Variants in TYR observed in about 807,000 individuals in gnomAD.
TYR encodes the protein LB24-AB.
A neutral mutation model predicts 51.5 loss-of-function variants in TYR; 58 were observed. That is an observed-to-expected ratio of 1.13 (90% CI 0.91 to 1.40). The LOEUF (loss-of-function observed/expected upper bound fraction) is 1.40, where lower values mean the gene tolerates loss of function less well. TYR is among the 40% of genes most tolerant of loss of function. The probability of loss-of-function intolerance (pLI) is 0.00; values close to 1 mark genes in which losing one functional copy is unlikely to be tolerated. For synonymous variants in TYR, 263 were observed against 235.2 expected, an observed-to-expected ratio of 1.12 and a Z score of -1.08; for missense variants, 732 against 647.4, an observed-to-expected ratio of 1.13 and a Z score of -1.42.
chr11:89,224,469 C>T (rs1283285993), intron 2 of TYR, among the ~76,000 whole-genome samples: 5 of 152,116 alleles, frequency 3.3e-5, no homozygotes, highest in Admixed American at 3.3e-4. Flanking sequence ...TTTTTTACAG[C>T]AGTATCTTCA....
chr11:89,235,360 G>A (rs963832737), intron 3 of TYR, among the ~76,000 whole-genome samples: 1 of 152,112 alleles, frequency 6.6e-6, no homozygotes, highest in Admixed American at 6.6e-5. Flanking sequence ...ATGTCAAAGA[G>A]TTATTTGTAC....
At position 89,191,433 on chromosome 11, in the gene TYR, T is replaced by C; in HGVS notation, c.1036+15T>C. Reference sequence around the variant, plus strand: ...TACACTGGAAGGTAATCTCTTTCTTTTCACTTTTAATTTTTTTTCTGAATT... The same window carrying C: ...TACACTGGAAGGTAATCTCTTTCTTCTCACTTTTAATTTTTTTTCTGAATT... On this transcript the variant is annotated intron_variant, in intron 2 of 4. Coordinates refer to ENST00000263321, the MANE Select transcript of TYR (RefSeq NM_000372.5). 6.2e-7 allele frequency: 1 copy of C among 1,610,064 alleles called. No homozygotes were observed. Among genetic ancestry groups the C allele is most frequent in the Non-Finnish European group, 8.5e-7 (1 of 1,176,684 alleles).
At chr11:89,290,589 C>T (rs1162966173) in intron 4 of TYR, among the ~76,000 whole-genome samples, 6 of 151,970 alleles carry the variant, frequency 3.9e-5, no homozygotes, top group Admixed American at 6.6e-5. Flanking sequence ...AAAACAGTAA[C>T]TTTCAAGGTC....
intron 2 of TYR, among the ~76,000 whole-genome samples, chr11:89,208,047 T>C (rs1287840226): frequency 6.6e-6 from 1 of 152,156 alleles, no homozygotes; most frequent in Non-Finnish European, 1.5e-5. Flanking sequence ...GGCGGGGGGA[T>C]CACGAAGTCA....
intron 2 of TYR, among the ~76,000 whole-genome samples, chr11:89,196,858 G>A (rs538368282): frequency 1.6e-4 from 24 of 152,166 alleles, no homozygotes; most frequent in South Asian, 2.1e-4. Flanking sequence ...AATTCCATTC[G>A]ACTTAAATAG....
intron 3 of TYR, among the ~76,000 whole-genome samples, chr11:89,240,169 G>C (rs1300705377): frequency 1.3e-5 from 2 of 152,050 alleles, no homozygotes; most frequent in African/African-American, 2.4e-5. Context: ...GGGTTGATCT[G>C]TGAAGCAAAC....
chr11:89,279,556 T>A (rs1944696315), intron 3 of TYR, among the ~76,000 whole-genome samples: 1 of 151,780 alleles, frequency 6.6e-6, no homozygotes, highest in African/African-American at 2.4e-5. Flanking sequence ...CCTGGGTCTT[T>A]GGCTCTTCTT....
At chr11:89,221,113 C>T (rs1322970070) in intron 2 of TYR, among the ~76,000 whole-genome samples, 1 of 152,192 alleles carries the variant, frequency 6.6e-6, no homozygotes, top group African/African-American at 2.4e-5. Flanking sequence ...GCATTAGAAT[C>T]ACCTGTAGAA....
intron 2 of TYR, among the ~76,000 whole-genome samples, chr11:89,201,665 C>T (rs571262324): frequency 1.3e-5 from 2 of 152,252 alleles, no homozygotes; most frequent in African/African-American, 4.8e-5. Context: ...AAGATTTGCC[C>T]ACCATTGCTT....
intron 3 of TYR, among the ~76,000 whole-genome samples, chr11:89,255,428 A>C (rs1269278929): frequency 6.6e-6 from 1 of 151,708 alleles, no homozygotes; most frequent in East Asian, 1.9e-4. Context: ...AAAATAAAAT[A>C]AAATGAATGT....
intron 3 of TYR, 75 bp downstream of exon 3, chr11:89,228,045 T>G: frequency 1.3e-6 from 2 of 1,553,942 alleles, no homozygotes; most frequent in South Asian, 2.2e-5. Context: ...GTGATTTAAG[T>G]TATTAAATAA....
intron 2 of TYR, among the ~76,000 whole-genome samples, chr11:89,217,915 T>C (rs1000344306): frequency 1.3e-4 from 20 of 152,226 alleles, no homozygotes; most frequent in Non-Finnish European, 1.5e-5. Context: ...TTCCCCATGG[T>C]ATTTCCCAAA....
intron 3 of TYR, among the ~76,000 whole-genome samples, chr11:89,233,653 T>C (rs1074303): frequency 0.38 from 54,123 of 141,056 alleles, 15,798 homozygotes; most frequent in African/African-American, 0.64. Context: ...ATGAAAACAG[T>C]ATTCATCTCC....
chr11:89,220,441 C>T (rs966740425), intron 2 of TYR, among the ~76,000 whole-genome samples: 1 of 152,148 alleles, frequency 6.6e-6, no homozygotes, highest in Non-Finnish European at 1.5e-5. Flanking sequence ...CCAGGTCCCA[C>T]CTCCAAAAGT....
chr11:89,190,953 C>T (rs1943435217), intron 1 of TYR, among the ~76,000 whole-genome samples: 2 of 152,124 alleles, frequency 1.3e-5, no homozygotes, highest in Admixed American at 1.3e-4. Flanking sequence ...TTTTACCAAA[C>T]AGCCAAGATG....
chr11:89,231,317 T>TCCC (rs1555091514), intron 3 of TYR, among the ~76,000 whole-genome samples: 2 of 145,758 alleles, frequency 1.4e-5, no homozygotes, highest in African/African-American at 2.7e-5. Flanking sequence ...CCTGGGCATG[T>TCCC]ATCGAAAGGG....
intron 2 of TYR, among the ~76,000 whole-genome samples, chr11:89,213,683 T>C (rs1235112841): frequency 2.0e-5 from 3 of 152,170 alleles, no homozygotes; most frequent in South Asian, 2.1e-4. Flanking sequence ...GCTACCTGAC[T>C]TCAAGCTATA....
intron 1 of TYR, among the ~76,000 whole-genome samples, chr11:89,184,226 A>T (rs1257876235): frequency 6.6e-6 from 1 of 151,400 alleles, no homozygotes; most frequent in Non-Finnish European, 1.5e-5. Flanking sequence ...GTCACTTGGC[A>T]GTTGGCATTT....
At chr11:89,260,281 A>T (rs1302359285) in intron 3 of TYR, among the ~76,000 whole-genome samples, 1 of 151,924 alleles carries the variant, frequency 6.6e-6, no homozygotes, top group Non-Finnish European at 1.5e-5. Context: ...AATGAACAAA[A>T]CCTAAGAGAT....
Sources: gnomAD v4.1 joint callset for allele counts (sites outside exome capture counted in the v4.1 genomes callset) on GRCh38, gnomAD v4.1.1 for gene constraint, MANE v1.5 for transcripts, NCBI Gene and HGNC (gene_info 2026-07-23, HGNC 2026-07-21) for gene names.